The following CST3 variants were observed in gnomAD, a reference collection of about 807,000 sequenced individuals.
CST3 encodes cystatin C, also known as cystatin-C.
Under a neutral mutation model 9.0 loss-of-function variants are expected in CST3, and 14 were observed. That is an observed-to-expected ratio of 1.56 (90% CI 1.03 to 2.44). The LOEUF is 2.44. Among genes scored for constraint, CST3 ranks in the 30% most tolerant of loss-of-function variants. The pLI is 0.00. For synonymous variants in CST3, 96 were observed against 90.2 expected (o/e 1.06, Z -0.37); for missense variants, 237 against 204.3 (o/e 1.16, Z -0.98).
chr20:23,633,851 G>A lies in CST3; in HGVS notation c.*65C>T. The A allele has an allele frequency of 7.3e-7, 1 of 1,361,930 alleles. No individual in the cohort carries two copies. The highest frequency in any genetic ancestry group is 1.2e-5 in the South Asian group (1 of 85,878). 84.4% of individuals were successfully genotyped at this position (1,361,930 alleles called of 1,614,324 possible). ...AGGCAGGGGCCACCAGTCCAGGGGT[G>A]GGAATACAGGGGGTGGGAGGTGTGC... On this transcript the variant is annotated 3_prime_UTR_variant, in exon 3 of 3. Transcript: ENST00000376925.
chr20:23,636,828 G>A (rs1979696658), intron 1 of CST3, among the ~76,000 whole-genome samples: 5 of 152,192 alleles, frequency 3.3e-5, no homozygotes, highest in Admixed American at 3.3e-4. Context: ...GCCCAGGAGC[G>A]TCCTAGGGCA....
chr20:23,635,043 C>G (rs571179044), intron 2 of CST3, among the ~76,000 whole-genome samples: 3 of 152,078 alleles, frequency 2.0e-5, no homozygotes, highest in Non-Finnish European at 4.4e-5. Context: ...AACCCCCACA[C>G]TTCCCCAACA....
downstream of CST3, among the ~76,000 whole-genome samples, chr20:23,629,666 G>A (rs961895626): frequency 9.9e-5 from 15 of 151,934 alleles, no homozygotes; most frequent in Non-Finnish European, 2.1e-4. Flanking sequence ...TCAGTGGAGA[G>A]GATGCGTGGA....
chr20:23,628,368 CT>C (rs1197287409), exon 4 of CST3: 1 of 152,210 alleles, frequency 6.6e-6, no homozygotes, highest in Non-Finnish European at 1.5e-5. Context: ...ATTGCAGCAT[CT>C]TCAGAGGCAG....
intron 1 of CST3, among the ~76,000 whole-genome samples, chr20:23,636,224 C>T (rs567037713): frequency 7.0e-4 from 107 of 152,314 alleles, no homozygotes; most frequent in African/African-American, 2.1e-3. Context: ...CCCCAGCTGA[C>T]GGCTGCGGGA....
chr20:23,634,373 AG>A (rs957092988), intron 2 of CST3, among the ~76,000 whole-genome samples: 4 of 152,292 alleles, frequency 2.6e-5, no homozygotes, highest in African/African-American at 9.6e-5. Flanking sequence ...AGCACTATGA[AG>A]GGCGAGAGGG....
exon 4 of CST3, chr20:23,627,519 T>C (rs1979295934): frequency 6.6e-6 from 1 of 152,246 alleles, no homozygotes; most frequent in African/African-American, 2.4e-5. Flanking sequence ...CATGTGTAAA[T>C]ATTTTGGTGA....
chr20:23,636,341 G>A (rs1436650465), intron 1 of CST3, among the ~76,000 whole-genome samples: 1 of 152,196 alleles, frequency 6.6e-6, no homozygotes, highest in Non-Finnish European at 1.5e-5. Context: ...GTCAAGCTGG[G>A]CCTGGTAGCC....
At position 23,634,013 on chromosome 20, in the gene CST3, C is replaced by CA; in HGVS notation, c.358-15dup. 6.2e-7 allele frequency: 1 copy of CA among 1,608,692 alleles called. No homozygotes were observed. Among genetic ancestry groups the CA allele is most frequent in the Non-Finnish European group, 8.5e-7 (1 of 1,175,170 alleles). ...GCAGAATGCTTTCTGTGAAAGGAAA[C>CA]AGAGGGGACAATCAGTGTGGGTTAC... On this transcript the variant is annotated splice_polypyrimidine_tract_variant and intron_variant, in intron 2 of 2. Coordinates refer to ENST00000376925, the MANE Select transcript of CST3 (RefSeq NM_000099.4).
downstream of CST3, among the ~76,000 whole-genome samples, chr20:23,631,301 G>C (rs1373289291): frequency 1.3e-5 from 2 of 152,142 alleles, no homozygotes; most frequent in Non-Finnish European, 2.9e-5. Flanking sequence ...CTCCTGTGGA[G>C]ACTCCATCTT....
chr20:23,637,474 C>T, intron 1 of CST3, 146 bp downstream of exon 1: 1 of 829,440 alleles, frequency 1.2e-6, no homozygotes, highest in South Asian at 2.2e-5. Context: ...CCGCCAAGGG[C>T]TCGGGGGTGA....
In CST3 at chr20:23,635,234, G is replaced by A. The variant is rs1422127327; in HGVS notation, c.357+20C>T. 1.3e-6 allele frequency: 2 copies of A among 1,596,960 alleles called. No homozygotes were observed. Among genetic ancestry groups the A allele is most frequent in the East Asian group, 4.5e-5 (2 of 44,792 alleles). ...CCTCTGCAGTGTATGACTGGCCCTG[G>A]ACCCATATAAGGCACATACCCTTTT... On this transcript the variant is annotated intron_variant, in intron 2 of 2. Transcript: ENST00000376925.
downstream of CST3, among the ~76,000 whole-genome samples, chr20:23,630,322 G>A (rs929039119): frequency 2.0e-5 from 3 of 152,232 alleles, no homozygotes; most frequent in African/African-American, 4.8e-5. Context: ...CCCAGCTGAT[G>A]TCACAGTGGC....
Position 23,637,625 on chromosome 20 carries a change from T to A in CST3, c.238A>T (p.Lys80Ter). The stretch of plus-strand genomic sequence containing the variant: ...CTGCGGGGGGCGGCACGCACCTGCT[T>A]GCGGGCGCGCACCACCTGCAGCGCG... ...SRALQVVRAR[K>*]QIVAGVNYFL... Residue 80 changes from lysine to a stop codon, truncating the protein, a stop_gained, in exon 1 of 3, where the codon AAG (lysine) becomes TAG (stop). Transcript: ENST00000376925. LOFTEE classifies it high-confidence loss of function. 6.6e-7 allele frequency: 1 copy of A among 1,519,038 alleles called. No homozygotes were observed. The highest frequency in any genetic ancestry group is 8.8e-7 in the Non-Finnish European group (1 of 1,134,278). 94.1% of individuals were successfully genotyped at this position (1,519,038 alleles called of 1,614,324 possible).
downstream of CST3, among the ~76,000 whole-genome samples, chr20:23,633,346 G>C (rs1979521044): frequency 6.6e-6 from 1 of 151,910 alleles, no homozygotes. Flanking sequence ...CCCTCCTCCT[G>C]GTCTGACCAG....
At chr20:23,631,448 G>T (rs139044534), downstream of CST3, among the ~76,000 whole-genome samples, 179 of 152,288 alleles carry the variant, frequency 1.2e-3, no homozygotes, top group African/African-American at 4.0e-3. Context: ...AGAAGCCCAG[G>T]GTCTGGGGGT....
intron 1 of CST3, 90 bp downstream of exon 1, chr20:23,637,530 G>T: frequency 7.9e-7 from 1 of 1,261,818 alleles, no homozygotes; most frequent in Non-Finnish European, 1.0e-6. Context: ...CCAGGCGCCG[G>T]AGAGGAGCAG....
chr20:23,637,577 C>T, intron 1 of CST3, 43 bp downstream of exon 1: 2 of 1,451,084 alleles, frequency 1.4e-6, no homozygotes, highest in Admixed American at 2.5e-5. Flanking sequence ...GAGGCTGGGA[C>T]GGCGGGGCCG....
At position 23,634,887 on chromosome 20, in the gene CST3, G is replaced by GCA. The variant is rs369623295; in HGVS notation, c.357+365_357+366dup. 5.0e-4 allele frequency among the ~76,000 whole-genome samples: 75 copies of GCA among 151,196 alleles called. No homozygotes were observed. In the Middle Eastern group the frequency reaches 0.017, roughly 35 times the overall value. ...CCCTCATACATCTATCTACCCACAT[G>GCA]CACACACACACACAGGGCAGGTAAT... On this transcript the variant is annotated intron_variant, in intron 2 of 2. Coordinates refer to ENST00000376925, the MANE Select transcript of CST3 (RefSeq NM_000099.4).
Sources: allele counts gnomAD v4.1 joint callset (sites outside exome capture counted in the v4.1 genomes callset), GRCh38; gene constraint gnomAD v4.1.1; transcripts MANE v1.5; gene names NCBI Gene and HGNC (gene_info 2026-07-23, HGNC 2026-07-21).